The following UBAP2 variants were observed in gnomAD, a reference collection of about 807,000 sequenced individuals.
The protein encoded by UBAP2 is ubiquitin associated protein 2.
Under a neutral mutation model 139.6 loss-of-function variants are expected in UBAP2, and 75 were observed. The ratio of observed to expected loss-of-function variants is 0.54; its 90% CI spans 0.45 to 0.65. UBAP2 has a LOEUF of 0.65. Ranked by LOEUF, UBAP2 falls within the 30% of genes least tolerant of loss-of-function variation. UBAP2 has a pLI of 0.00. For synonymous variants in UBAP2, 526 were observed against 526.2 expected (o/e 1.00, Z 0.01); for missense variants, 1,368 against 1,369.6 (o/e 1.00, Z 0.02).
At chr9:33,954,444 T>C (rs1312435565) in intron 11 of UBAP2, among the ~76,000 whole-genome samples, 2 of 152,178 alleles carry the variant, frequency 1.3e-5, no homozygotes, top group African/African-American at 4.8e-5. Flanking sequence ...ACAAACTTCC[T>C]GTACCAACTC....
At position 33,990,637 on chromosome 9, in the gene UBAP2, A is replaced by ATTTTTTTTTT. The variant is rs35851905; in HGVS notation, c.289-1521_289-1512dup. 2.3e-5 allele frequency among the ~76,000 whole-genome samples: 3 copies of ATTTTTTTTTT among 132,628 alleles called. 1 individual carries two copies. Among genetic ancestry groups the ATTTTTTTTTT allele is most frequent in the Non-Finnish European group, 1.5e-5 (1 of 64,632 alleles). 87.0% of individuals were successfully genotyped at this position (132,628 alleles called of 152,430 possible). A position where few individuals can be genotyped will look rare whatever the true frequency, so the allele number is the denominator to read the frequency against. On this transcript the variant is annotated intron_variant, in intron 4 of 28. Coordinates refer to ENST00000379238, the MANE Select transcript of UBAP2 (RefSeq NM_001370062.2). ...GGTTACTTAGAAATAGTACCCCCCA[A>ATTTTTTTTTT]TTTTTTTTTTTTTTTTGAGACAGAG...
intron 18 of UBAP2, among the ~76,000 whole-genome samples, chr9:33,932,873 T>C (rs558721944): frequency 6.6e-5 from 10 of 152,272 alleles, no homozygotes; most frequent in African/African-American, 2.4e-4. Flanking sequence ...CATTTGCTCC[T>C]CAGATGCGAA....
intron 2 of UBAP2, among the ~76,000 whole-genome samples, chr9:34,011,990 A>C (rs1823788008): frequency 1.9e-5 from 1 of 51,890 alleles, no homozygotes; most frequent in African/African-American, 6.0e-5. Flanking sequence ...ACCACCAAAG[A>C]TAAACATTAA....
At position 33,931,408 on chromosome 9, in the gene UBAP2, G is replaced by GT. The variant is rs553103640; in HGVS notation, c.2175+1153dup. ...GCAGGCTGGAATACATGGTCTGGAG[G>GT]TTTTTTTTTGAGGAGATGGAGAGTG... On this transcript the variant is annotated intron_variant, in intron 19 of 28. Transcript: ENST00000379238. Among the ~76,000 whole-genome samples the GT allele has an allele frequency of 1.8e-3, 271 of 151,752 alleles. 2 individuals carry two copies. The highest frequency in any genetic ancestry group is 0.014 in the South Asian group (65 of 4,798).
At chr9:33,992,256 C>T (rs1002834123) in intron 4 of UBAP2, among the ~76,000 whole-genome samples, 3 of 151,936 alleles carry the variant, frequency 2.0e-5, no homozygotes, top group South Asian at 2.1e-4. Flanking sequence ...GGCGTGGTGG[C>T]GCATTCCTGT....
intron 1 of UBAP2, among the ~76,000 whole-genome samples, chr9:34,044,594 G>A (rs1827403922): frequency 6.6e-6 from 1 of 152,032 alleles, no homozygotes; most frequent in Non-Finnish European, 1.5e-5. Context: ...GCCAGGTGTG[G>A]TGGCTCACGC....
At position 33,922,583 on chromosome 9, in the gene UBAP2, C is replaced by A. The variant is rs759721895; in HGVS notation, c.3281G>T (p.Arg1094Leu). 6.2e-7 allele frequency: 1 copy of A among 1,613,016 alleles called. No individual in the cohort carries two copies. Among genetic ancestry groups the A allele is most frequent in the Non-Finnish European group, 8.5e-7 (1 of 1,179,650 alleles). ...GGGCTGCAGGGAGCTGGGCTGGCTG[C>A]GCTGACCCGAGCCACTCTGAGGAAG... Reference protein sequence around the residue: ...PQDAQSGSGQRSQPSSLQPKS... With the variant: ...PQDAQSGSGQLSQPSSLQPKS... The change falls in exon 29 of 29, where the codon CGC becomes CTC. Residue 1094 changes from arginine (R) to leucine (L), a missense_variant. Transcript: ENST00000379238.
In UBAP2 at chr9:33,922,216, T is replaced by C. The variant is rs986357204; in HGVS notation, c.*288A>G. ...GAAGAAGACCTGAAGGCAGATGGGG[T>C]GGGGGTGCTTATTTTGCTACAGTGG... On this transcript the variant is annotated 3_prime_UTR_variant, in exon 29 of 29. Transcript: ENST00000379238. The C allele has an allele frequency of 9.7e-6, 4 of 410,848 alleles. No homozygotes were observed. The Admixed American group carries it at 1.5e-4, about 16-fold the overall frequency. The allele number at this position is 410,848 out of a possible 1,614,324, so 25.5% of individuals were successfully genotyped here. A position where few individuals can be genotyped will look rare whatever the true frequency, so the allele number is the denominator to read the frequency against.
At chr9:33,974,488 CAG>C (rs542784431) in intron 6 of UBAP2, among the ~76,000 whole-genome samples, 485 of 152,246 alleles carry the variant, frequency 3.2e-3, no homozygotes, top group African/African-American at 0.011. Flanking sequence ...GTCAGTGTGA[CAG>C]AGTGAGACCA....
At position 33,922,793 on chromosome 9, in the gene UBAP2, G is replaced by T; in HGVS notation, c.3158C>A (p.Ser1053Ter). Residue 1053 changes from serine to a stop codon, truncating the protein, a stop_gained, in exon 28 of 29, where the codon TCG becomes TAG. Coordinates refer to ENST00000379238, the MANE Select transcript of UBAP2 (RefSeq NM_001370062.2). LOFTEE classifies it high-confidence loss of function. ...GGGTGCATAGCCAGGGGCCGCTCCC[G>T]AGGCCAGGGGCCCAGTGGAGCCCAA... ...SVLGSTGPLASGAAPGYAPPP... is the reference protein window; with the variant it reads ...SVLGSTGPLA The T allele has an allele frequency of 6.4e-7, 1 of 1,562,016 alleles. No individual in the cohort carries two copies. Among genetic ancestry groups the T allele is most frequent in the Non-Finnish European group, 8.7e-7 (1 of 1,153,868 alleles).
intron 2 of UBAP2, among the ~76,000 whole-genome samples, chr9:34,003,487 C>A (rs1321607173): frequency 6.6e-6 from 1 of 151,248 alleles, no homozygotes; most frequent in East Asian, 1.9e-4. Flanking sequence ...TTCTCTGCAA[C>A]CTCCGCTTCC....
At chr9:34,008,720 A>G (rs1353870555) in intron 2 of UBAP2, among the ~76,000 whole-genome samples, 1 of 152,076 alleles carries the variant, frequency 6.6e-6, no homozygotes, top group Non-Finnish European at 1.5e-5. Context: ...TAATCCCAGC[A>G]CTTTGGTAGG....
intron 2 of UBAP2, among the ~76,000 whole-genome samples, chr9:34,010,832 T>C (rs1823698939): frequency 1.3e-5 from 2 of 152,268 alleles, no homozygotes; most frequent in Admixed American, 1.3e-4. Context: ...AGTATTATTA[T>C]AAGAACATCC....
intron 2 of UBAP2, among the ~76,000 whole-genome samples, chr9:34,000,888 C>CT (rs1362027395): frequency 1.3e-5 from 2 of 152,204 alleles, no homozygotes; most frequent in Middle Eastern, 3.2e-3. Context: ...TGCAATACTG[C>CT]TACATTATAC....
intron 5 of UBAP2, 98 bp from the exon 6 acceptor site, chr9:33,986,935 C>T: frequency 9.4e-7 from 1 of 1,063,290 alleles, no homozygotes; most frequent in South Asian, 1.3e-5. Context: ...GAATGACAAA[C>T]AGGCTACAAT....
rs368284092 is a variant in UBAP2 at position 34,035,320 on chromosome 9, T to A, written c.-42+13505A>T. Among the ~76,000 whole-genome samples the A allele has an allele frequency of 6.0e-5, 9 of 151,080 alleles. No homozygotes were observed. In the East Asian group the frequency reaches 9.8e-4, roughly 16 times the overall value. On this transcript the variant is annotated intron_variant, in intron 1 of 28. Transcript: ENST00000379238. ...GAGTTCAAGACCAGCCTGGCCAACA[T>A]GGTGGAACCCCATCTCTACAAAAGT...
At chr9:34,030,660 C>T (rs1312762384) in intron 1 of UBAP2, among the ~76,000 whole-genome samples, 2 of 152,114 alleles carry the variant, frequency 1.3e-5, no homozygotes, top group African/African-American at 4.8e-5. Flanking sequence ...GGCACGGTGG[C>T]TCACGCCTGT....
intron 17 of UBAP2, among the ~76,000 whole-genome samples, chr9:33,935,163 C>CGGGGGGG (rs11317017): frequency 1.1e-5 from 1 of 87,958 alleles, no homozygotes; most frequent in South Asian, 3.3e-4. Context: ...TTGGAAGTGG[C>CGGGGGGG]GGGGGGGGGG....
intron 19 of UBAP2, among the ~76,000 whole-genome samples, chr9:33,931,971 TC>T (rs1355369395): frequency 1.3e-5 from 2 of 151,836 alleles, no homozygotes; most frequent in African/African-American, 2.4e-5. Context: ...TCCTCCTCCC[TC>T]CTCTCCATCT....
Sources: allele counts gnomAD v4.1 joint callset (sites outside exome capture counted in the v4.1 genomes callset), GRCh38; gene constraint gnomAD v4.1.1; transcripts MANE v1.5; gene names NCBI Gene and HGNC (gene_info 2026-07-23, HGNC 2026-07-21).